Variants in SV2B observed in about 807,000 individuals in gnomAD.
SV2B encodes synaptic vesicle glycoprotein 2B, also known as solute carrier family 22 member B2.
In SV2B, 41 loss-of-function variants were observed where a neutral mutation model predicts 73.9. The ratio of observed to expected loss-of-function variants is 0.56; its 90% confidence interval spans 0.43 to 0.72. SV2B has a LOEUF of 0.72. Ranked by LOEUF, SV2B falls within the 30% of genes least tolerant of loss-of-function variation. The probability of loss-of-function intolerance (pLI) is 0.00; values close to 1 mark genes in which losing one functional copy is unlikely to be tolerated. For missense variants in SV2B, 764 were observed against 857.8 expected, an observed-to-expected ratio of 0.89 and a Z score of 1.37; for synonymous variants, 314 against 314.2, an observed-to-expected ratio of 1.00 and a Z score of 0.01.
At chr15:91,216,129 G>A (rs535530490) in intron 1 of SV2B, among the ~76,000 whole-genome samples, 68 of 152,260 alleles carry the variant, frequency 4.5e-4, no homozygotes, top group Non-Finnish European at 7.5e-4. Flanking sequence ...AGTGGGGCGA[G>A]TGCAGCAATT....
At position 91,288,690 on chromosome 15, in the gene SV2B, C is replaced by T. The variant is rs1449547340; in HGVS notation, c.1709-831C>T. On this transcript the variant is annotated intron_variant, in intron 11 of 12. Coordinates refer to ENST00000394232, the MANE Select transcript of SV2B (RefSeq NM_001323032.3). The surrounding 1 kb of genome is among the most constrained non-coding windows in gnomAD (Gnocchi z 5.8). ...TTCCTTCCTTCTTTTTCTCTTTCTT[C>T]TTTTTTTGACAGTGTCTTGCTCTGT... 6.7e-6 allele frequency among the ~76,000 whole-genome samples: 1 copy of T among 148,204 alleles called. No homozygotes were observed. Among genetic ancestry groups the T allele is most frequent in the African/African-American group, 2.5e-5 (1 of 40,122 alleles).
In SV2B at chr15:91,289,591, C is replaced by G. The variant is rs369552317; in HGVS notation, c.1779C>G (p.Ile593Met). Residue 593 changes from isoleucine to methionine, a missense_variant, in exon 12 of 13, where the codon ATC (isoleucine) becomes ATG (methionine). Physicochemically the swap from Ile to Met is conservative, Grantham distance 10. Coordinates refer to ENST00000394232, the MANE Select transcript of SV2B (RefSeq NM_001323032.3). The surrounding 1 kb of genome is among the most constrained non-coding windows in gnomAD (Gnocchi z 4.9). ...TTGGCAACAGTGAGTCTGCAATGATCGGCTGGCAGTGCCTGTTCTGTGGGA... is the reference window on the plus strand; with the variant it reads ...TTGGCAACAGTGAGTCTGCAATGATGGGCTGGCAGTGCCTGTTCTGTGGGA... ...LFFGNSESAM[I>M]GWQCLFCGTS... 25 of 1,614,090 alleles carry G rather than the reference C, an allele frequency of 1.5e-5. No individual in the cohort carries two copies. The highest frequency in any genetic ancestry group is 1.6e-4 in the Middle Eastern group (1 of 6,072).
rs902624813 is a variant in SV2B at position 91,241,233 on chromosome 15, G to A, written c.452-10586G>A. ...CACCACATTCCTCACTGAGCTTAAT[G>A]TCCATGTCCATAATCACAGTCACTT... On this transcript the variant is annotated intron_variant, in intron 2 of 12. Coordinates refer to ENST00000394232, the MANE Select transcript of SV2B (RefSeq NM_001323032.3). The surrounding 1 kb of genome is among the most constrained non-coding windows in gnomAD (Gnocchi z 4.8). 2.6e-5 allele frequency among the ~76,000 whole-genome samples: 4 copies of A among 152,086 alleles called. No homozygotes were observed. In the South Asian group the frequency reaches 8.3e-4, roughly 31 times the overall value.
At chr15:91,152,609 G>A (rs899808978) in intron 1 of SV2B, among the ~76,000 whole-genome samples, 1 of 152,148 alleles carries the variant, frequency 6.6e-6, no homozygotes, top group African/African-American at 2.4e-5. Flanking sequence ...CCATAGGAAA[G>A]AAATTAAATG....
At chr15:91,188,501 G>C (rs1034555950) in intron 1 of SV2B, among the ~76,000 whole-genome samples, 2 of 151,916 alleles carry the variant, frequency 1.3e-5, no homozygotes, top group Non-Finnish European at 2.9e-5. Context: ...ATTTTTAGTA[G>C]AGACGGGGTT....
At chr15:91,147,106 A>G (rs1042473684) in intron 1 of SV2B, among the ~76,000 whole-genome samples, 2 of 152,244 alleles carry the variant, frequency 1.3e-5, no homozygotes, top group Non-Finnish European at 2.9e-5. Context: ...ATAGGAACTC[A>G]TATTTATTGA....
At chr15:91,174,722 T>C (rs1013876628) in intron 1 of SV2B, among the ~76,000 whole-genome samples, 70 of 152,268 alleles carry the variant, frequency 4.6e-4, no homozygotes, top group African/African-American at 1.6e-3. Flanking sequence ...TTTTCTACAA[T>C]AGCCCTCCAA....
intron 1 of SV2B, among the ~76,000 whole-genome samples, chr15:91,177,290 T>G (rs1186921745): frequency 6.6e-6 from 1 of 152,024 alleles, no homozygotes; most frequent in Non-Finnish European, 1.5e-5. Context: ...TTTTGGTTAC[T>G]GTAGCCTTGT....
At position 91,251,919 on chromosome 15, in the gene SV2B, CAAT is replaced by C; in HGVS notation, c.553_555del (p.Asn185del). ...GAGTCCTCAGCATGTCTCTGGCCGT[CAAT>C]GCCTCCTTCGCCTCCCTCTCTTCCT... is the stretch of plus-strand genomic sequence containing the variant. On this transcript the variant is annotated inframe_deletion, in exon 3 of 13. Coordinates refer to ENST00000394232, the MANE Select transcript of SV2B (RefSeq NM_001323032.3). The C allele has an allele frequency of 6.2e-7, 1 of 1,614,172 alleles. No individual in the cohort carries two copies. The highest frequency in any genetic ancestry group is 8.5e-7 in the Non-Finnish European group (1 of 1,180,036).
In SV2B at chr15:91,295,558, G is replaced by A. The variant is rs548002581; in HGVS notation, c.*3006G>A. 2.6e-5 allele frequency: 4 copies of A among 152,196 alleles called. No individual in the cohort carries two copies. The highest frequency in any genetic ancestry group is 1.9e-4 in the East Asian group (1 of 5,184). 9.4% of individuals were successfully genotyped at this position (152,196 alleles called of 1,614,324 possible). On this transcript the variant is annotated 3_prime_UTR_variant, in exon 13 of 13. Transcript: ENST00000394232. Reference sequence around the variant, plus strand: ...ACATGGGGACCTTGAGAGGTTAAACGATGTGGCCCAGATTACATGTAATGT... The same window carrying A: ...ACATGGGGACCTTGAGAGGTTAAACAATGTGGCCCAGATTACATGTAATGT...
In SV2B at chr15:91,124,718, A is replaced by G. The variant is rs765889308; in HGVS notation, c.-392+24355A>G. Among the ~76,000 whole-genome samples, 1 of 151,802 alleles carries G rather than the reference A, an allele frequency of 6.6e-6. No homozygotes were observed. Among genetic ancestry groups the G allele is most frequent in the Admixed American group, 6.6e-5 (1 of 15,234 alleles). ...ACCCAGGCTGGAGTGCAGTGGCACT[A>G]TCTTGGCTCACTGCAACCTCCACCT... On this transcript the variant is annotated intron_variant, in intron 1 of 12. Transcript: ENST00000394232. This position sits in a 1 kb window ranked among gnomAD's most constrained non-coding sequence, Gnocchi z 4.6.
rs1295466556 is a variant in SV2B, at chr15:91,302,462, A to T, written c.*9910A>T. On this transcript the variant is annotated 3_prime_UTR_variant, in exon 13 of 13. Transcript: ENST00000394232. ...GCCTTTTGCTAACTGGTATGGAAGC[A>T]TTTCGGTATTTTAACAAGTATGAAA... Among the ~76,000 whole-genome samples the T allele has an allele frequency of 6.6e-6, 1 of 152,186 alleles. No homozygotes were observed. The highest frequency in any genetic ancestry group is 1.5e-5 in the Non-Finnish European group (1 of 68,036).
intron 1 of SV2B, among the ~76,000 whole-genome samples, chr15:91,149,352 A>C (rs1029150607): frequency 2.6e-5 from 4 of 152,224 alleles, no homozygotes; most frequent in African/African-American, 4.8e-5. Context: ...TCCACCCCAC[A>C]GGGTATAGTA....
chr15:91,169,982 C>T (rs1184011789), intron 1 of SV2B, among the ~76,000 whole-genome samples: 1 of 152,168 alleles, frequency 6.6e-6, no homozygotes, highest in Non-Finnish European at 1.5e-5. Context: ...AATTACTTTC[C>T]GATGGTTGAA....
intron 1 of SV2B, among the ~76,000 whole-genome samples, chr15:91,208,452 T>A (rs2045725829): frequency 6.6e-6 from 1 of 152,258 alleles, no homozygotes; most frequent in Admixed American, 6.5e-5. Flanking sequence ...ATTTTGCTAA[T>A]GACAGTTTCA....
intron 2 of SV2B, 125 bp from the exon 3 acceptor site, chr15:91,251,694 A>G (rs2047487551): frequency 8.7e-7 from 1 of 1,150,232 alleles, no homozygotes; most frequent in Non-Finnish European, 1.2e-6. Flanking sequence ...ACATTCCACC[A>G]TTTTGTGTCT....
Position 91,198,872 on chromosome 15 carries a change from G to A in SV2B, c.-391-27001G>A, listed in dbSNP as rs540459693. Among the ~76,000 whole-genome samples, 15 of 152,328 alleles carry A rather than the reference G, an allele frequency of 9.8e-5. No individual in the cohort carries two copies. The South Asian group carries it at 3.1e-3, about 32-fold the overall frequency. The stretch of plus-strand genomic sequence containing the variant: ...CAGGGCCGTAAACAACAGCAACTCT[G>A]GGCTTCTAGGAGATGCCTCTTTAGG... On this transcript the variant is annotated intron_variant, in intron 1 of 12. Coordinates refer to ENST00000394232, the MANE Select transcript of SV2B (RefSeq NM_001323032.3).
At position 91,300,800 on chromosome 15, in the gene SV2B, T is replaced by A. The variant is rs1389820490; in HGVS notation, c.*8248T>A. On this transcript the variant is annotated 3_prime_UTR_variant, in exon 13 of 13. Transcript: ENST00000394232. The stretch of plus-strand genomic sequence containing the variant: ...CCGCTACAACACCACGCTCCCGGAA[T>A]GGTGGTTCCTAAGAGCAAAGTCAGT... 2.0e-5 allele frequency: 3 copies of A among 152,244 alleles called. No individual in the cohort carries two copies. The highest frequency in any genetic ancestry group is 2.4e-5 in the African/African-American group (1 of 41,452). The allele number at this position is 152,244 out of a possible 1,614,324, so 9.4% of individuals were successfully genotyped here.
At chr15:91,285,698 C>T (rs2048837150) in intron 11 of SV2B, among the ~76,000 whole-genome samples, 1 of 152,218 alleles carries the variant, frequency 6.6e-6, no homozygotes, top group Admixed American at 6.5e-5. Flanking sequence ...TGAGACACTT[C>T]CGCCATTTGT....
Sources: gnomAD v4.1 joint callset for allele counts (sites outside exome capture counted in the v4.1 genomes callset) on GRCh38, gnomAD v4.1.1 for gene constraint, Gnocchi (gnomAD v3.1) non-coding constraint, MANE v1.5 for transcripts, NCBI Gene and HGNC (gene_info 2026-07-23, HGNC 2026-07-21) for gene names.